MSH6: variants seen among roughly 807,000 people sequenced by gnomAD.
MSH6 encodes DNA mismatch repair protein Msh6.
MSH6 carries 85 observed loss-of-function variants against 119.1 expected under a neutral mutation model. The observed-to-expected ratio is 0.71, with a 90% CI of 0.60 to 0.85. The LOEUF (loss-of-function observed/expected upper bound fraction) is 0.85. Ranked by LOEUF, MSH6 falls within the 40% of genes least tolerant of loss-of-function variation. The pLI, the probability that MSH6 is intolerant of heterozygous loss-of-function variation, is 0.00. For synonymous variants in MSH6, 830 were observed against 586.9 expected, an observed-to-expected ratio of 1.41 and a Z score of -5.99; for missense variants, 2,163 against 1,655.3, an observed-to-expected ratio of 1.31 and a Z score of -5.32.
At chr2:47,809,554 C>A, downstream of MSH6, 1 of 1,343,344 alleles carries the variant, frequency 7.4e-7, no homozygotes, top group South Asian at 1.2e-5. Context: ...GATTATCTTT[C>A]ATGGCATATT....
At position 47,806,286 on chromosome 2, in the gene MSH6, A is replaced by G. The variant is rs773807182; in HGVS notation, c.3729A>G (p.Thr1243=). 3.2e-5 allele frequency: 51 copies of G among 1,614,012 alleles called. No individual in the cohort carries two copies. The highest frequency in any genetic ancestry group is 1.5e-4 in the Admixed American group (9 of 59,996). Residue 1243 remains threonine (T), a synonymous_variant, in exon 8 of 10, where the codon ACA becomes ACG. Coordinates refer to ENST00000234420, the MANE Select transcript of MSH6 (RefSeq NM_000179.3). ...KELAETIKCR[T]LFSTHYHSLV... ...TTGCTGAGACTATAAAATGTCGTACATTATTTTCAACTCACTACCATTCAT... is the reference window on the plus strand; with the variant it reads ...TTGCTGAGACTATAAAATGTCGTACGTTATTTTCAACTCACTACCATTCAT...
rs752105994 is a variant in MSH6 at position 47,798,599 on chromosome 2, C to T, written c.628-12C>T. ...TTGATTTGTTTTTAAATACTCTTTCCTTGCCTGGCAGGTAGGCACAACTTA... is the reference window on the plus strand; with the variant it reads ...TTGATTTGTTTTTAAATACTCTTTCTTTGCCTGGCAGGTAGGCACAACTTA... On this transcript the variant is annotated splice_polypyrimidine_tract_variant and intron_variant, in intron 3 of 9. Coordinates refer to ENST00000234420, the MANE Select transcript of MSH6 (RefSeq NM_000179.3). 36 of 1,607,496 alleles carry T rather than the reference C, an allele frequency of 2.2e-5. No homozygotes were observed. Among genetic ancestry groups the T allele is most frequent in the Non-Finnish European group, 2.9e-5 (34 of 1,179,816 alleles).
chr2:47,786,359 A>G (rs1163487498), intron 1 of MSH6, among the ~76,000 whole-genome samples: 2 of 149,948 alleles, frequency 1.3e-5, no homozygotes, highest in African/African-American at 2.5e-5. Context: ...TTTGAGACGG[A>G]ATTTCACTCT....
At chr2:47,807,013 A>G, downstream of MSH6, 1 of 669,620 alleles carries the variant, frequency 1.5e-6, no homozygotes, top group Non-Finnish European at 2.6e-6. Context: ...TACCTTCTAC[A>G]TAATGGTTAT....
rs146006741 is a variant in MSH6, at chr2:47,800,656, C to G, written c.2673C>G (p.Ile891Met). ...AGTCTAAAATCCTTAAGCAGGTCATCTCTCTGCAGACAAAAAATCCTGAAG... is the reference window on the plus strand; with the variant it reads ...AGTCTAAAATCCTTAAGCAGGTCATGTCTCTGCAGACAAAAAATCCTGAAG... Reference protein sequence around the residue: ...GFKSKILKQVISLQTKNPEGR... With the variant: ...GFKSKILKQVMSLQTKNPEGR... The change falls in exon 4 of 10, where the codon ATC (isoleucine) becomes ATG (methionine). Residue 891 changes from isoleucine to methionine, a missense_variant. Coordinates refer to ENST00000234420, the MANE Select transcript of MSH6 (RefSeq NM_000179.3). The G allele has an allele frequency of 1.9e-6, 3 of 1,614,052 alleles. No individual in the cohort carries two copies. Among genetic ancestry groups the G allele is most frequent in the African/African-American group, 2.7e-5 (2 of 74,924 alleles).
chr2:47,783,385 G>GCGAGGCTGGGCCTGGGC lies in MSH6; in HGVS notation c.154_170dup (p.Pro59LeufsTer28). On this transcript the variant is annotated frameshift_variant, in exon 1 of 10. Transcript: ENST00000234420. LOFTEE classifies it high-confidence loss of function. ...TCCCCAGGCGGGGATGCGGCCTGGAGCGAGGCTGGGCCTGGGCCCAGGCCC... is the reference window on the plus strand; with the variant it reads ...TCCCCAGGCGGGGATGCGGCCTGGAGCGAGGCTGGGCCTGGGCCGAGGCTGGGCCTGGGCCCAGGCCC... The GCGAGGCTGGGCCTGGGC allele has an allele frequency of 6.3e-7, 1 of 1,585,066 alleles. No individual in the cohort carries two copies. Among genetic ancestry groups the GCGAGGCTGGGCCTGGGC allele is most frequent in the Non-Finnish European group, 8.6e-7 (1 of 1,165,440 alleles).
chr2:47,792,858 T>G (rs1474998560), intron 2 of MSH6, among the ~76,000 whole-genome samples: 6 of 143,488 alleles, frequency 4.2e-5, no homozygotes, highest in South Asian at 2.1e-4. Flanking sequence ...TTTTTTTTTT[T>G]TTTTTTTTTT....
At chr2:47,788,481 C>A (rs1371832640) in intron 1 of MSH6, among the ~76,000 whole-genome samples, 1 of 150,072 alleles carries the variant, frequency 6.7e-6, no homozygotes, top group Non-Finnish European at 1.5e-5. Flanking sequence ...TCTCGAACTC[C>A]TGACCTCGTG....
downstream of MSH6, chr2:47,807,452 A>C: frequency 4.9e-6 from 1 of 205,658 alleles, no homozygotes; most frequent in Non-Finnish European, 1.0e-5. Context: ...ACTTTTCTTA[A>C]AGGATACCAG....
Position 47,803,404 on chromosome 2 carries a change from C to G in MSH6, c.3173-16C>G, listed in dbSNP as rs551949725. The G allele has an allele frequency of 6.2e-7, 1 of 1,614,112 alleles. No homozygotes were observed. The highest frequency in any genetic ancestry group is 8.5e-7 in the Non-Finnish European group (1 of 1,180,018). ...CCCAAACGATGAAGCCTCACTTTTA[C>G]CCTCTCTTTTAACAGATGTTTTACT... On this transcript the variant is annotated splice_polypyrimidine_tract_variant and intron_variant, in intron 4 of 9. Transcript: ENST00000234420.
At position 47,800,652 on chromosome 2, in the gene MSH6, T is replaced by A. The variant is rs1114167741; in HGVS notation, c.2669T>A (p.Val890Asp). 3 of 1,614,192 alleles carry A rather than the reference T, an allele frequency of 1.9e-6. No individual in the cohort carries two copies. Residue 890 changes from valine (V) to aspartate (D), a missense_variant, in exon 4 of 10, where the codon GTC becomes GAC. Val to Asp is a radical substitution (Grantham distance 152). Transcript: ENST00000234420. ...DGFKSKILKQ[V>D]ISLQTKNPEG... ...TTTAAGTCTAAAATCCTTAAGCAGG[T>A]CATCTCTCTGCAGACAAAAAATCCT...
chr2:47,789,305 G>A, intron 1 of MSH6: 1 of 379,968 alleles, frequency 2.6e-6, no homozygotes, highest in South Asian at 2.1e-5. Context: ...AAATGATGTT[G>A]AAAAACAAAA....
chr2:47,800,812 CATAAG>C lies in MSH6; in HGVS notation c.2831_2835del (p.Ile944ArgfsTer3). 6.2e-7 allele frequency: 1 copy of C among 1,614,100 alleles called. No homozygotes were observed. The highest frequency in any genetic ancestry group is 8.5e-7 in the Non-Finnish European group (1 of 1,180,016). ...CTGATTATGACCAAGCTCTTGCTGA[CATAAG>C]AGAAAATGAACAGAGCCTCCTGGAA... is the stretch of plus-strand genomic sequence containing the variant. On this transcript the variant is annotated frameshift_variant, in exon 4 of 10. Transcript: ENST00000234420. LOFTEE classifies it high-confidence loss of function.
chr2:47,791,176 G>C, intron 2 of MSH6, 53 bp downstream of exon 2: 1 of 1,515,118 alleles, frequency 6.6e-7, no homozygotes, highest in Non-Finnish European at 9.2e-7. Flanking sequence ...GTGTGTGTGT[G>C]AGAGAAACAG....
chr2:47,806,940 T>TTTTTTAAAAATGACCA, exon 10 of MSH6: 1 of 1,103,900 alleles, frequency 9.1e-7, no homozygotes, highest in Non-Finnish European at 1.4e-6. Flanking sequence ...ATAAACTTTA[T>TTTTTTAAAAATGACCA]TTTTTAAAAA....
At chr2:47,801,286 C>T in intron 4 of MSH6, 131 bp downstream of exon 4, 2 of 914,352 alleles carry the variant, frequency 2.2e-6, no homozygotes, top group South Asian at 1.5e-5. Context: ...TATTTGCATC[C>T]TGACTAGGCT....
At chr2:47,788,442 A>G (rs763051442) in intron 1 of MSH6, among the ~76,000 whole-genome samples, 28 of 147,862 alleles carry the variant, frequency 1.9e-4, no homozygotes, top group African/African-American at 5.5e-4. Flanking sequence ...TTTAGTAGAG[A>G]TGGGGTTTCA....
intron 1 of MSH6, among the ~76,000 whole-genome samples, chr2:47,789,955 G>A (rs773437886): frequency 3.3e-5 from 5 of 151,910 alleles, no homozygotes; most frequent in Admixed American, 1.3e-4. Flanking sequence ...CAAGTGTTGG[G>A]ATTACAGGTG....
In MSH6 at chr2:47,805,662, C is replaced by T. The variant is rs182024561; in HGVS notation, c.3601C>T (p.Leu1201Phe). ...TGAATTAAGTGAAACTGCCAGCATA[C>T]TCATGCATGCAACAGCACATTCTCT... is the stretch of plus-strand genomic sequence containing the variant. ...FVELSETASI[L>F]MHATAHSLVL... Residue 1201 changes from leucine to phenylalanine, a missense_variant, in exon 7 of 10, where the codon CTC becomes TTC. Physicochemically the swap from Leu to Phe is conservative, Grantham distance 22 (BLOSUM62 0). Transcript: ENST00000234420. 1.1e-5 allele frequency: 17 copies of T among 1,613,030 alleles called. No homozygotes were observed. The highest frequency in any genetic ancestry group is 1.3e-5 in the African/African-American group (1 of 74,852).
Sources: gnomAD v4.1 joint callset for allele counts (sites outside exome capture counted in the v4.1 genomes callset) on GRCh38, gnomAD v4.1.1 for gene constraint, MANE v1.5 for transcripts, NCBI Gene and HGNC (gene_info 2026-07-23, HGNC 2026-07-21) for gene names.